Variants in GRIK1 observed in about 807,000 individuals in gnomAD.
GRIK1 encodes the protein glutamate ionotropic receptor kainate type subunit 1.
A neutral mutation model predicts 105.7 loss-of-function variants in GRIK1; 69 were observed. That is an observed-to-expected ratio of 0.65 (90% confidence interval 0.54 to 0.80). The LOEUF is 0.80. Among genes scored for constraint, GRIK1 ranks in the 30% least tolerant of loss-of-function variants. GRIK1 has a pLI of 0.00. For missense variants in GRIK1, 1,109 were observed against 1,167.3 expected, an observed-to-expected ratio of 0.95 and a Z score of 0.73; for synonymous variants, 438 against 431.3, an observed-to-expected ratio of 1.02 and a Z score of -0.19.
chr21:29,558,852 C>G (rs2090322023), intron 15 of GRIK1, among the ~76,000 whole-genome samples: 1 of 152,002 alleles, frequency 6.6e-6, no homozygotes, highest in Non-Finnish European at 1.5e-5. Flanking sequence ...ATGCATTGTT[C>G]CCTCCTACCT....
chr21:29,771,527 G>A (rs913071452), intron 1 of GRIK1, among the ~76,000 whole-genome samples: 2 of 152,222 alleles, frequency 1.3e-5, no homozygotes, highest in Non-Finnish European at 2.9e-5. Flanking sequence ...CAGAGGGCAT[G>A]CTGGCCAGTG....
rs56341617 is a variant in GRIK1 at position 29,620,808 on chromosome 21, T to TAGATAGATAG, written c.1099-21872_1099-21871insCTATCTATCT. ...ATATATATATCTATATATATATAGA[T>TAGATAGATAG]ATATATATATAGTAATAATATATTA... On this transcript the variant is annotated intron_variant, in intron 7 of 17. Coordinates refer to ENST00000327783, the MANE Select transcript of GRIK1 (RefSeq NM_001330994.2). Among the ~76,000 whole-genome samples, 515 of 122,570 alleles carry TAGATAGATAG rather than the reference T, an allele frequency of 4.2e-3. 5 individuals are homozygous for TAGATAGATAG. Among genetic ancestry groups the TAGATAGATAG allele is most frequent in the Non-Finnish European group, 4.8e-3 (296 of 62,048 alleles). The allele number at this position is 122,570 out of a possible 152,430, so 80.4% of individuals were successfully genotyped here.
intron 16 of GRIK1, among the ~76,000 whole-genome samples, chr21:29,548,094 T>G (rs1172195444): frequency 6.6e-6 from 1 of 152,238 alleles, no homozygotes. Flanking sequence ...ATATTTTAGT[T>G]GCTAGGGGGA....
At chr21:29,689,526 GGATCGTTA>G (rs1388801082) in intron 3 of GRIK1, among the ~76,000 whole-genome samples, 194 bp downstream of exon 3, 1 of 151,988 alleles carries the variant, frequency 6.6e-6, no homozygotes, top group Non-Finnish European at 1.5e-5. Context: ...GATGATAAAA[GGATCGTTA>G]GAAAGGATCA....
intron 1 of GRIK1, among the ~76,000 whole-genome samples, chr21:29,938,055 T>C (rs1333198034): frequency 6.6e-6 from 1 of 152,200 alleles, no homozygotes; most frequent in Non-Finnish European, 1.5e-5. Flanking sequence ...AGTAGCACAT[T>C]TCTATTTTTC....
At position 29,598,478 on chromosome 21, in the gene GRIK1, A is replaced by G. The variant is rs151019553; in HGVS notation, c.1206+352T>C. ...TTGGATGCCATTCCATCGATAAACCATTGATAGCTTCTGCTTTTCCAAGTC... is the reference window on the plus strand; with the variant it reads ...TTGGATGCCATTCCATCGATAAACCGTTGATAGCTTCTGCTTTTCCAAGTC... On this transcript the variant is annotated intron_variant, in intron 8 of 17. Transcript: ENST00000327783. Among the ~76,000 whole-genome samples, 135 of 152,334 alleles carry G rather than the reference A, an allele frequency of 8.9e-4. No individual in the cohort carries two copies. In the East Asian group the frequency reaches 0.022, roughly 25 times the overall value.
intron 6 of GRIK1, among the ~76,000 whole-genome samples, 181 bp from the exon 7 acceptor site, chr21:29,643,150 T>C (rs2146528699): frequency 6.6e-6 from 1 of 152,214 alleles, no homozygotes; most frequent in South Asian, 2.1e-4. Context: ...ACCTCACACT[T>C]TGGAGTAAAT....
chr21:29,589,578 C>T (rs933244129), intron 10 of GRIK1, among the ~76,000 whole-genome samples: 10 of 141,954 alleles, frequency 7.0e-5, no homozygotes, highest in Non-Finnish European at 1.1e-4. Flanking sequence ...CCTGCCACCA[C>T]GCCTGACTAT....
At chr21:29,866,710 A>T (rs1431935165) in intron 1 of GRIK1, among the ~76,000 whole-genome samples, 1 of 152,226 alleles carries the variant, frequency 6.6e-6, no homozygotes, top group African/African-American at 2.4e-5. Flanking sequence ...GCATGTCATT[A>T]AAAAGCATGT....
chr21:29,860,609 T>C (rs559389987), intron 1 of GRIK1, among the ~76,000 whole-genome samples: 15 of 152,358 alleles, frequency 9.8e-5, no homozygotes, highest in African/African-American at 3.4e-4. Context: ...TTGCAATTAT[T>C]TGTTGACAAC....
intron 12 of GRIK1, chr21:29,582,235 A>C (rs1036554973): frequency 6.9e-6 from 3 of 432,984 alleles, no homozygotes; most frequent in African/African-American, 6.1e-5. Flanking sequence ...ACACATTAGT[A>C]TTAACTACAT....
At chr21:29,592,562 G>A (rs1456215116) in intron 9 of GRIK1, among the ~76,000 whole-genome samples, 1 of 152,180 alleles carries the variant, frequency 6.6e-6, no homozygotes, top group Non-Finnish European at 1.5e-5. Flanking sequence ...TGGCTTGCAA[G>A]TATGTTTTAG....
rs536481245 is a variant in GRIK1, at chr21:29,866,409, A to T, written c.118+72974T>A. ...TTTTAATTGCTTTCATTTTTTTTTT[A>T]AAGGAAGCACATGAAACTGCACCTG... On this transcript the variant is annotated intron_variant, in intron 1 of 17. Coordinates refer to ENST00000327783, the MANE Select transcript of GRIK1 (RefSeq NM_001330994.2). 4.8e-4 allele frequency among the ~76,000 whole-genome samples: 73 copies of T among 151,940 alleles called. 2 individuals carry two copies. The East Asian group carries it at 0.014, about 29-fold the overall frequency.
chr21:29,889,781 C>A (rs2069823808), intron 1 of GRIK1, among the ~76,000 whole-genome samples: 1 of 151,976 alleles, frequency 6.6e-6, no homozygotes, highest in Admixed American at 6.6e-5. Flanking sequence ...GAGTTAAAGA[C>A]TAATTTACTT....
intron 1 of GRIK1, among the ~76,000 whole-genome samples, chr21:29,801,853 A>AC (rs1452723015): frequency 6.6e-6 from 1 of 152,132 alleles, no homozygotes; most frequent in African/African-American, 2.4e-5. Flanking sequence ...TGACGACTCT[A>AC]CCCACTCTCT....
chr21:29,627,054 C>A (rs961368008), intron 7 of GRIK1, among the ~76,000 whole-genome samples: 3 of 152,114 alleles, frequency 2.0e-5, no homozygotes, highest in South Asian at 2.1e-4. Context: ...TTTAAATAAA[C>A]CCTCTGGGTT....
intron 1 of GRIK1, among the ~76,000 whole-genome samples, chr21:29,733,725 TCACATGAAC>T (rs2064698876): frequency 6.6e-6 from 1 of 152,082 alleles, no homozygotes; most frequent in East Asian, 1.9e-4. Context: ...TGCTCGACAA[TCACATGAAC>T]CTCTGTTAGC....
At chr21:29,565,179 C>T (rs1240891508) in intron 14 of GRIK1, among the ~76,000 whole-genome samples, 1 of 152,200 alleles carries the variant, frequency 6.6e-6, no homozygotes, top group Non-Finnish European at 1.5e-5. Flanking sequence ...GCTATTCTCA[C>T]TAGAGCACAG....
chr21:29,800,932 GA>G (rs1422762449), intron 1 of GRIK1, among the ~76,000 whole-genome samples: 2 of 152,074 alleles, frequency 1.3e-5, no homozygotes, highest in Non-Finnish European at 2.9e-5. Flanking sequence ...TAATTGCTTT[GA>G]TTTTGCCTCA....
Sources: allele counts gnomAD v4.1 joint callset (sites outside exome capture counted in the v4.1 genomes callset), GRCh38; gene constraint gnomAD v4.1.1; transcripts MANE v1.5; gene names NCBI Gene and HGNC (gene_info 2026-07-23, HGNC 2026-07-21).